The following UGT1A5 variants were observed in gnomAD, a reference collection of about 807,000 sequenced individuals.
UGT1A5 encodes the protein UDP-glucuronosyltransferase 1A5.
UGT1A5 carries 29 observed loss-of-function variants against 40.3 expected under a neutral mutation model. The ratio of observed to expected loss-of-function variants is 0.72; its 90% confidence interval spans 0.54 to 0.98. The LOEUF is 0.98. Among genes scored for constraint, UGT1A5 ranks in the 50% least tolerant of loss-of-function variants. The pLI is 0.00. For missense variants in UGT1A5, 678 were observed against 677.9 expected (o/e 1.00, Z 0.00); for synonymous variants, 257 against 262.5 (o/e 0.98, Z 0.20).
intron 1 of UGT1A5, among the ~76,000 whole-genome samples, chr2:233,745,802 C>T (rs1262659143): frequency 2.0e-5 from 3 of 151,022 alleles, no homozygotes; most frequent in Non-Finnish European, 2.9e-5. Context: ...GGGTCTATCC[C>T]AGAGTTTTGA....
rs771375365 is a variant in UGT1A5, at chr2:233,713,180, G to A, written c.189G>A (p.Leu63=). ...GCCACCAGGTGGTGGTCCTCACCCT[G>A]GAGGTGAATATGTACATCAAAGAAG... ...ARGHQVVVLT[L]EVNMYIKEEN... is the part of the protein sequence containing the mutation. The change falls in exon 1 of 5, where the codon CTG becomes CTA. Residue 63 remains leucine (L), a synonymous_variant. Coordinates refer to ENST00000373414, the MANE Select transcript of UGT1A5 (RefSeq NM_019078.2). 1.3e-5 allele frequency: 21 copies of A among 1,614,082 alleles called. No homozygotes were observed. The highest frequency in any genetic ancestry group is 8.8e-5 in the South Asian group (8 of 91,076).
At chr2:233,759,947 C>T (rs1327771342) in intron 1 of UGT1A5, among the ~76,000 whole-genome samples, 1 of 152,176 alleles carries the variant, frequency 6.6e-6, no homozygotes, top group Non-Finnish European at 1.5e-5. Flanking sequence ...CTAACTTGTT[C>T]ACTACATAGT....
intron 1 of UGT1A5, chr2:233,755,075 A>C (rs1312444555): frequency 7.5e-7 from 1 of 1,336,312 alleles, no homozygotes; most frequent in East Asian, 4.6e-5. Context: ...CATAGCGGTC[A>C]TAGATATCGC....
chr2:233,751,459 G>A (rs1297643220), intron 1 of UGT1A5, among the ~76,000 whole-genome samples: 1 of 152,208 alleles, frequency 6.6e-6, no homozygotes, highest in East Asian at 1.9e-4. Context: ...TTGTTGGGAA[G>A]GCACGATTGG....
chr2:233,718,602 C>T (rs3732219), intron 1 of UGT1A5, among the ~76,000 whole-genome samples: 15,139 of 152,232 alleles, frequency 0.099, 881 homozygotes, highest in East Asian at 0.2. Flanking sequence ...GTCAGATGAG[C>T]TTTTCAAGAT....
intron 1 of UGT1A5, among the ~76,000 whole-genome samples, chr2:233,722,817 G>T (rs1300822952): frequency 6.1e-5 from 9 of 147,334 alleles, no homozygotes; most frequent in African/African-American, 2.0e-4. Flanking sequence ...ATTTTTTCAA[G>T]TTATTTTGTA....
chr2:233,757,535 A>AATAAATATACATATACATATATAT (rs1553619837), intron 1 of UGT1A5, among the ~76,000 whole-genome samples: 10 of 88,300 alleles, frequency 1.1e-4, no homozygotes, highest in South Asian at 5.2e-4. Context: ...GCCTGTAAGG[A>AATAAATATACATATACATATATAT]ATATATATAT....
chr2:233,756,940 T>G (rs1408779384), intron 1 of UGT1A5, among the ~76,000 whole-genome samples: 1 of 152,052 alleles, frequency 6.6e-6, no homozygotes, highest in Non-Finnish European at 1.5e-5. Context: ...TTACATAACC[T>G]GAAACCCGGA....
intron 1 of UGT1A5, chr2:233,730,074 A>G: frequency 6.2e-7 from 1 of 1,607,274 alleles, no homozygotes; most frequent in African/African-American, 1.3e-5. Context: ...AATTGCTTCC[A>G]TATTTACTTA....
intron 1 of UGT1A5, chr2:233,728,958 A>T (rs2077771946): frequency 1.4e-6 from 2 of 1,444,154 alleles, no homozygotes; most frequent in African/African-American, 2.9e-5. Context: ...CCCACAGTGA[A>T]AAACAGTGAT....
In UGT1A5 at chr2:233,768,381, C is replaced by T. The variant is rs764290725; in HGVS notation, c.1249C>T (p.Leu417=). 1.9e-6 allele frequency: 3 copies of T among 1,614,120 alleles called. No individual in the cohort carries two copies. Among genetic ancestry groups the T allele is most frequent in the Non-Finnish European group, 2.5e-6 (3 of 1,180,032 alleles). ...TKGAGVTLNV[L]EMTSEDLENA... ...GGGAGCTGGAGTGACCCTGAATGTT[C>T]TGGAAATGACTTCTGAAGATTTAGA... Residue 417 remains leucine (L), a synonymous_variant, in exon 4 of 5, where the codon CTG becomes TTG. Transcript: ENST00000373414.
chr2:233,743,474 G>T (rs762879751), intron 1 of UGT1A5: 8 of 1,366,712 alleles, frequency 5.9e-6, no homozygotes, highest in Middle Eastern at 2.1e-4. Context: ...CCAAAAGCTG[G>T]AAATTCACTG....
intron 1 of UGT1A5, among the ~76,000 whole-genome samples, chr2:233,720,799 G>A (rs796093691): frequency 6.1e-4 from 92 of 151,266 alleles, no homozygotes; most frequent in African/African-American, 2.0e-3. Flanking sequence ...TTCACCTCCC[G>A]GGTTTAAGAA....
At chr2:233,745,011 G>A (rs1692986382) in intron 1 of UGT1A5, among the ~76,000 whole-genome samples, 1 of 151,810 alleles carries the variant, frequency 6.6e-6, no homozygotes, top group South Asian at 2.1e-4. Flanking sequence ...CCTAATAAAT[G>A]TAAATGCTAT....
chr2:233,727,330 C>T (rs574704586), intron 1 of UGT1A5, among the ~76,000 whole-genome samples: 1 of 152,238 alleles, frequency 6.6e-6, no homozygotes, highest in East Asian at 1.9e-4. Flanking sequence ...ACCAGGAGCT[C>T]CTCCCTCCCC....
chr2:233,757,561 T>TATATATATATATATATATATATATATAA (rs71058576), intron 1 of UGT1A5, among the ~76,000 whole-genome samples: 1 of 121,180 alleles, frequency 8.3e-6, no homozygotes, highest in Admixed American at 7.9e-5. Context: ...TATATATATA[T>TATATATATATATATATATATATATATAA]GTATATATGA....
At chr2:233,731,342 T>C (rs749214489) in intron 1 of UGT1A5, among the ~76,000 whole-genome samples, 10 of 152,040 alleles carry the variant, frequency 6.6e-5, no homozygotes, top group Non-Finnish European at 1.2e-4. Context: ...AATTGCAGGT[T>C]TGATACATAG....
chr2:233,754,446 C>A, intron 1 of UGT1A5: 1 of 350,362 alleles, frequency 2.9e-6, no homozygotes, highest in Non-Finnish European at 5.6e-6. Context: ...TTTATAAATT[C>A]TTGGGTACAG....
intron 1 of UGT1A5, chr2:233,754,765 T>C (rs1277866100): frequency 2.0e-6 from 2 of 992,196 alleles, no homozygotes; most frequent in African/African-American, 1.7e-5. Context: ...AGGCCCCCAC[T>C]TCCCAGGGAG....
Sources: allele counts gnomAD v4.1 joint callset (sites outside exome capture counted in the v4.1 genomes callset), GRCh38; gene constraint gnomAD v4.1.1; transcripts MANE v1.5; gene names NCBI Gene and HGNC (gene_info 2026-07-23, HGNC 2026-07-21).